CTTNBP2: variants seen among roughly 807,000 people sequenced by gnomAD.
CTTNBP2 encodes the protein cortactin-binding protein 2.
A neutral mutation model predicts 156.9 loss-of-function variants in CTTNBP2; 108 were observed. The observed-to-expected ratio is 0.69, with a 90% CI of 0.59 to 0.81. CTTNBP2 has a LOEUF of 0.81. CTTNBP2 is among the 30% of genes least tolerant of loss of function. The pLI is 0.00. For missense variants in CTTNBP2, 1,924 were observed against 2,035.4 expected (o/e 0.95, Z 1.05); for synonymous variants, 767 against 751.8 (o/e 1.02, Z -0.33).
chr7:117,725,183 T>G lies in CTTNBP2; in HGVS notation c.4130A>C (p.Lys1377Thr). The change falls in exon 18 of 23, where the codon AAA becomes ACA. Residue 1377 changes from lysine to threonine, a missense_variant. Lys to Thr is a moderately conservative substitution (Grantham distance 78). Transcript: ENST00000160373. ...QEAILSRASVKRQPGFGQTTA... is the reference protein window; with the variant it reads ...QEAILSRASVTRQPGFGQTTA... ...TGTCTGCCCAAAGCCAGGTTGTCTT[T>G]TCACAGAGGCTCTTGACAATATTGC... The G allele has an allele frequency of 1.2e-6, 2 of 1,614,050 alleles. No homozygotes were observed. The highest frequency in any genetic ancestry group is 1.7e-6 in the Non-Finnish European group (2 of 1,180,030).
intron 22 of CTTNBP2, 103 bp from the exon 23 acceptor site, chr7:117,711,885 A>G: frequency 8.7e-7 from 1 of 1,154,292 alleles, no homozygotes. Context: ...TTCTCTCTAA[A>G]ACTATAGGTT....
chr7:117,714,418 G>A (rs1388674000), intron 22 of CTTNBP2, among the ~76,000 whole-genome samples: 1 of 152,192 alleles, frequency 6.6e-6, no homozygotes, highest in African/African-American at 2.4e-5. Context: ...CAGAAAACAT[G>A]AAATATGGCA....
chr7:117,813,249 T>A (rs1207085978), intron 2 of CTTNBP2, among the ~76,000 whole-genome samples: 2 of 152,228 alleles, frequency 1.3e-5, no homozygotes, highest in Non-Finnish European at 2.9e-5. Context: ...CTACAGTTTC[T>A]TCAATGTAGG....
chr7:117,817,361 A>ATAAATAAATAAATATAT (rs1298639361), intron 2 of CTTNBP2, among the ~76,000 whole-genome samples: 1 of 53,286 alleles, frequency 1.9e-5, no homozygotes, highest in Non-Finnish European at 3.4e-5. Context: ...AAAAAAAAAA[A>ATAAATAAATAAATATAT]ATATATATAT....
intron 2 of CTTNBP2, among the ~76,000 whole-genome samples, chr7:117,851,592 G>A (rs1802932841): frequency 6.6e-6 from 1 of 152,302 alleles, no homozygotes; most frequent in African/African-American, 2.4e-5. Context: ...GGAGCCTACA[G>A]TGAATCTTAA....
At chr7:117,744,628 T>G (rs780708312) in intron 14 of CTTNBP2, among the ~76,000 whole-genome samples, 3 of 152,192 alleles carry the variant, frequency 2.0e-5, no homozygotes, top group Non-Finnish European at 2.9e-5. Flanking sequence ...CTCACGCTTG[T>G]AATCCCAGCA....
At chr7:117,744,816 G>C (rs769047455) in intron 14 of CTTNBP2, among the ~76,000 whole-genome samples, 7 of 152,208 alleles carry the variant, frequency 4.6e-5, no homozygotes, top group Non-Finnish European at 1.0e-4. Flanking sequence ...AGGTTAGCTT[G>C]TGCCCCAGAA....
chr7:117,719,640 A>C lies in CTTNBP2; in HGVS notation c.4512-4T>G. ...TGATAGATCATTCTCTAAAGACCTA[A>C]CACAAAGTTCAGAAAAACGTTTTTC... On this transcript the variant is annotated splice_region_variant and splice_polypyrimidine_tract_variant and intron_variant, in intron 20 of 22. Coordinates refer to ENST00000160373, the MANE Select transcript of CTTNBP2 (RefSeq NM_033427.3). The C allele has an allele frequency of 6.2e-7, 1 of 1,607,202 alleles. No homozygotes were observed. Among genetic ancestry groups the C allele is most frequent in the Non-Finnish European group, 8.5e-7 (1 of 1,176,424 alleles).
At chr7:117,715,176 G>T (rs948304189) in intron 22 of CTTNBP2, among the ~76,000 whole-genome samples, 3 of 152,106 alleles carry the variant, frequency 2.0e-5, no homozygotes, top group Non-Finnish European at 2.9e-5. Flanking sequence ...GGTGGCATTG[G>T]GGGTGAGTCT....
In CTTNBP2 at chr7:117,758,807, T is replaced by C. The variant is rs1797028588; in HGVS notation, c.3173-837A>G. Among the ~76,000 whole-genome samples the C allele has an allele frequency of 3.3e-5, 5 of 152,344 alleles. No individual in the cohort carries two copies. The South Asian group carries it at 1.0e-3, about 32-fold the overall frequency. Reference sequence around the variant, plus strand: ...AACTCAACGATTTTTCGATGTGAAATGCTACTAGGGTGCTCTATACCTCTG... The same window carrying C: ...AACTCAACGATTTTTCGATGTGAAACGCTACTAGGGTGCTCTATACCTCTG... On this transcript the variant is annotated intron_variant, in intron 10 of 22. Coordinates refer to ENST00000160373, the MANE Select transcript of CTTNBP2 (RefSeq NM_033427.3).
chr7:117,777,555 C>T lies in CTTNBP2; in HGVS notation c.2734G>A (p.Glu912Lys). ...PADLINHANREGWTAAHIAAS... is the reference protein window; with the variant it reads ...PADLINHANRKGWTAAHIAAS... The stretch of plus-strand genomic sequence containing the variant: ...GCAATGTGGGCAGCAGTCCAGCCTT[C>T]TCTGTTGGCGTGGTTAATGAGGTCT... Residue 912 changes from glutamate (E) to lysine (K), a missense_variant, in exon 8 of 23, where the codon GAA (glutamate) becomes AAA (lysine). Transcript: ENST00000160373. The T allele has an allele frequency of 6.2e-7, 1 of 1,613,836 alleles. No individual in the cohort carries two copies. Among genetic ancestry groups the T allele is most frequent in the East Asian group, 2.2e-5 (1 of 44,878 alleles).
chr7:117,784,825 C>T (rs1798626343), intron 4 of CTTNBP2, among the ~76,000 whole-genome samples: 1 of 152,142 alleles, frequency 6.6e-6, no homozygotes, highest in Non-Finnish European at 1.5e-5. Flanking sequence ...AAAGGTTTTA[C>T]AAGGTAAAGT....
chr7:117,841,890 A>G (rs1393000833), intron 2 of CTTNBP2, among the ~76,000 whole-genome samples: 1 of 152,222 alleles, frequency 6.6e-6, no homozygotes. Flanking sequence ...GGAAGTTGCC[A>G]TCAGAATCCA....
intron 3 of CTTNBP2, among the ~76,000 whole-genome samples, chr7:117,800,467 A>T (rs1303023317): frequency 2.6e-5 from 4 of 152,042 alleles, no homozygotes; most frequent in Admixed American, 6.6e-5. Flanking sequence ...AAAACTCATT[A>T]ATTTTTAGAC....
At chr7:117,715,448 C>A (rs1174393604) in intron 22 of CTTNBP2, among the ~76,000 whole-genome samples, 1 of 139,146 alleles carries the variant, frequency 7.2e-6, no homozygotes, top group Non-Finnish European at 1.5e-5. Context: ...CAGGCTTCCC[C>A]TCAGACTAGA....
chr7:117,827,025 A>C (rs1801330440), intron 2 of CTTNBP2, among the ~76,000 whole-genome samples: 1 of 151,822 alleles, frequency 6.6e-6, no homozygotes, highest in African/African-American at 2.4e-5. Context: ...CACCCAGCTA[A>C]TTTTCATAAT....
chr7:117,816,404 T>A (rs533382223), intron 2 of CTTNBP2, among the ~76,000 whole-genome samples: 2 of 152,330 alleles, frequency 1.3e-5, no homozygotes, highest in East Asian at 3.9e-4. Context: ...CTTTCTAAAA[T>A]GGAAGCCTTC....
Position 117,784,257 on chromosome 7 carries a change from G to A in CTTNBP2, c.2266C>T (p.His756Tyr), listed in dbSNP as rs1798580513. 1 of 1,603,894 alleles carries A rather than the reference G, an allele frequency of 6.2e-7. No individual in the cohort carries two copies. The highest frequency in any genetic ancestry group is 8.5e-7 in the Non-Finnish European group (1 of 1,176,072). Residue 756 changes from histidine to tyrosine, a missense_variant, in exon 5 of 23, where the codon CAT becomes TAT. Coordinates refer to ENST00000160373, the MANE Select transcript of CTTNBP2 (RefSeq NM_033427.3). ...AAGATCTCGCCATATTTACCTGTAT[G>A]TCCATTCTTAGCAGCAGAATACAAG... The part of the protein sequence containing the change: ...SALYSAAKNG[H>Y]TDCVRLLLSA...
intron 14 of CTTNBP2, 71 bp downstream of exon 14, chr7:117,745,760 T>C (rs561828141): frequency 9.7e-7 from 1 of 1,026,726 alleles, no homozygotes; most frequent in Non-Finnish European, 1.5e-6. Context: ...ACACAGTGTA[T>C]TTTCTCTTAA....
Sources: allele counts gnomAD v4.1 joint callset (sites outside exome capture counted in the v4.1 genomes callset), GRCh38; gene constraint gnomAD v4.1.1; transcripts MANE v1.5; gene names NCBI Gene and HGNC (gene_info 2026-07-23, HGNC 2026-07-21).